Variants in METTL22 observed in about 807,000 individuals in gnomAD.
METTL22 encodes methyltransferase 22, Kin17 lysine.
In METTL22, 51 loss-of-function variants were observed where a neutral mutation model predicts 48.4. The ratio of observed to expected loss-of-function variants is 1.05; its 90% CI spans 0.84 to 1.33. The LOEUF (loss-of-function observed/expected upper bound fraction) is 1.33, where lower values mean the gene tolerates loss of function less well. Ranked by LOEUF, METTL22 falls within the 40% of genes most tolerant of loss-of-function variation. The pLI is 0.00. For missense variants in METTL22, 678 were observed against 526.9 expected (o/e 1.29, Z -2.81); for synonymous variants, 255 against 214.1 (o/e 1.19, Z -1.67).
chr16:8,642,851 C>G, intron 9 of METTL22: 1 of 480,686 alleles, frequency 2.1e-6, no homozygotes, highest in Non-Finnish European at 3.8e-6. Context: ...TAGACAAGGA[C>G]TTGAATGCAG....
chr16:8,651,264 G>C (rs1296292820), downstream of METTL22, among the ~76,000 whole-genome samples: 2 of 150,352 alleles, frequency 1.3e-5, no homozygotes, highest in Non-Finnish European at 3.0e-5. Flanking sequence ...GCGGGCACCT[G>C]TAGTCCCAGC....
the METTL22 span, among the ~76,000 whole-genome samples, chr16:8,663,206 CA>C: frequency 9.3e-4 from 6 of 6,420 alleles, no homozygotes; most frequent in Admixed American, 1.5e-3. Flanking sequence ...AACTCCGTCT[CA>C]AAAAAAAAAA....
chr16:8,650,349 A>G (rs1400403167), downstream of METTL22, among the ~76,000 whole-genome samples: 1 of 151,962 alleles, frequency 6.6e-6, no homozygotes, highest in South Asian at 2.1e-4. Flanking sequence ...AAACCCACCA[A>G]CTCCGGAGTT....
At chr16:8,641,290 GC>G in intron 7 of METTL22, 106 bp downstream of exon 7, 2 of 1,119,166 alleles carry the variant, frequency 1.8e-6, no homozygotes, top group Non-Finnish European at 2.7e-6. Flanking sequence ...CCCAGCTGCT[GC>G]CACAGTCCCA....
At chr16:8,638,077 G>T (rs959306747) in intron 5 of METTL22, among the ~76,000 whole-genome samples, 12 of 151,924 alleles carry the variant, frequency 7.9e-5, no homozygotes, top group African/African-American at 2.7e-4. Context: ...AACCTGGGAA[G>T]TGGAGGTTGC....
intron 7 of METTL22, chr16:8,641,512 C>T: frequency 1.9e-6 from 1 of 525,114 alleles, no homozygotes; most frequent in South Asian, 1.5e-5. Flanking sequence ...CCGAGTTTGT[C>T]AGACTCTGGG....
At chr16:8,662,778 G>C in the METTL22 span, among the ~76,000 whole-genome samples, 1 of 144,298 alleles carries the variant, frequency 6.9e-6, no homozygotes, top group African/African-American at 2.6e-5. Flanking sequence ...AAACCAGCCC[G>C]AACACTCACC....
chr16:8,628,778 A>G lies in METTL22; in HGVS notation c.182A>G (p.Asp61Gly). The G allele has an allele frequency of 6.2e-7, 1 of 1,614,208 alleles. No homozygotes were observed. Among genetic ancestry groups the G allele is most frequent in the Non-Finnish European group, 8.5e-7 (1 of 1,180,016 alleles). ...CTATGGAGCCAAGACTCTTGGACAG[A>G]TTCAGGAGCCAAGGGTGGCAGTCAC... ...KLLWSQDSWT[D>G]SGAKGGSHRD... The change falls in exon 3 of 11, where the codon GAT becomes GGT. Residue 61 changes from aspartate to glycine, a missense_variant. By Grantham distance (94) the Asp-to-Gly change is moderately conservative (BLOSUM62 -1). Transcript: ENST00000381920.
At chr16:8,664,214 A>G in the METTL22 span, among the ~76,000 whole-genome samples, 1 of 151,968 alleles carries the variant, frequency 6.6e-6, no homozygotes, top group Non-Finnish European at 1.5e-5. Flanking sequence ...CAGGCTCCCA[A>G]GTAAGTGGAA....
the METTL22 span, among the ~76,000 whole-genome samples, chr16:8,663,105 C>T: frequency 6.7e-6 from 1 of 150,148 alleles, no homozygotes; most frequent in East Asian, 2.0e-4. Flanking sequence ...ACTTGGGAGG[C>T]TGAGGTAGGA....
the METTL22 span, among the ~76,000 whole-genome samples, chr16:8,663,225 A>AAAAAAT: frequency 5.7e-5 from 7 of 123,434 alleles, 1 homozygote; most frequent in Admixed American, 9.2e-5. Context: ...AAAAAAAAAA[A>AAAAAAT]GGTAGCCAAG....
intron 10 of METTL22, chr16:8,645,885 A>G (rs1481665506): frequency 7.5e-6 from 8 of 1,069,646 alleles, no homozygotes; most frequent in Non-Finnish European, 9.0e-6. Flanking sequence ...CCTTCCGTTA[A>G]TGCTGGGACT....
intron 3 of METTL22, among the ~76,000 whole-genome samples, chr16:8,633,294 C>T (rs1311768740): frequency 1.3e-5 from 2 of 152,208 alleles, no homozygotes; most frequent in East Asian, 3.9e-4. Context: ...TCTCCCTTCC[C>T]CAAGCAGGCT....
Position 8,635,088 on chromosome 16 carries a change from G to A in METTL22, c.555+9G>A. On this transcript the variant is annotated intron_variant, in intron 4 of 10. Coordinates refer to ENST00000381920, the MANE Select transcript of METTL22 (RefSeq NM_024109.4). ...AGGATGTTGGCAAGCAGGTGGGTAG[G>A]TCTTGTCCGCTTCCTGTGGCCCTGA... 6.2e-7 allele frequency: 1 copy of A among 1,614,028 alleles called. No homozygotes were observed. The highest frequency in any genetic ancestry group is 2.2e-5 in the East Asian group (1 of 44,886).
intron 10 of METTL22, among the ~76,000 whole-genome samples, chr16:8,645,637 A>G (rs62030942): frequency 0.99 from 150,288 of 152,190 alleles, 74,239 homozygotes; most frequent in Middle Eastern, 1. Context: ...TTAGCCATGC[A>G]TGGTGGTGCA....
chr16:8,638,259 A>G (rs907191364), intron 5 of METTL22, among the ~76,000 whole-genome samples: 8 of 152,116 alleles, frequency 5.3e-5, no homozygotes, highest in Admixed American at 1.3e-4. Flanking sequence ...CCTCCCGTAC[A>G]TGGCTCTGTG....
the METTL22 span, among the ~76,000 whole-genome samples, chr16:8,660,440 A>G: frequency 6.6e-6 from 1 of 151,980 alleles, no homozygotes. Context: ...CGGCCTCCCA[A>G]AGTGCTGGGA....
chr16:8,642,764 G>C, intron 9 of METTL22, 199 bp downstream of exon 9: 2 of 619,938 alleles, frequency 3.2e-6, no homozygotes, highest in Non-Finnish European at 2.9e-6. Flanking sequence ...TGCAGGCGCT[G>C]CTGTCCCACT....
downstream of METTL22, among the ~76,000 whole-genome samples, chr16:8,653,110 A>G (rs1382566012): frequency 6.6e-6 from 1 of 152,184 alleles, no homozygotes; most frequent in Non-Finnish European, 1.5e-5. Flanking sequence ...CCCAGCTTCA[A>G]CCAGGGAGGC....
Sources: allele counts gnomAD v4.1 joint callset (sites outside exome capture counted in the v4.1 genomes callset), GRCh38; gene constraint gnomAD v4.1.1; transcripts MANE v1.5; gene names NCBI Gene and HGNC (gene_info 2026-07-23, HGNC 2026-07-21).